ERBIN: variants seen among roughly 807,000 people sequenced by gnomAD.
The protein encoded by ERBIN is densin-180-like protein.
A neutral mutation model predicts 158.4 loss-of-function variants in ERBIN; 60 were observed. The ratio of observed to expected loss-of-function variants is 0.38; its 90% CI spans 0.31 to 0.47. The LOEUF is 0.47. ERBIN is among the 20% of genes least tolerant of loss of function. ERBIN has a pLI of 0.99. For synonymous variants in ERBIN, 594 were observed against 557.2 expected (o/e 1.07, Z -0.93); for missense variants, 1,610 against 1,648.0 (o/e 0.98, Z 0.40).
intron 1 of ERBIN, among the ~76,000 whole-genome samples, chr5:65,929,318 ATTAC>A (rs1030742871): frequency 1.3e-5 from 2 of 152,202 alleles, no homozygotes; most frequent in Admixed American, 1.3e-4. Context: ...ATATTTCAAA[ATTAC>A]TTATTTGAAA....
chr5:66,000,774 C>CT lies in ERBIN; in HGVS notation c.307+5911dup, dbSNP rs533953334. 3.3e-5 allele frequency among the ~76,000 whole-genome samples: 5 copies of CT among 152,178 alleles called. No homozygotes were observed. The South Asian group carries it at 1.0e-3, about 32-fold the overall frequency. Reference sequence around the variant, plus strand: ...TCTCCTTTTAGTCTTGAATTGATGTCTAAGTGAAACTTCACTTCATTGTTC... The same window carrying CT: ...TCTCCTTTTAGTCTTGAATTGATGTCTTAAGTGAAACTTCACTTCATTGTTC... On this transcript the variant is annotated intron_variant, in intron 4 of 25. Coordinates refer to ENST00000284037, the MANE Select transcript of ERBIN (RefSeq NM_001253697.2).
In ERBIN at chr5:65,937,983, C is replaced by T. The variant is rs543343131; in HGVS notation, c.-58+11177C>T. Among the ~76,000 whole-genome samples, 54 of 152,240 alleles carry T rather than the reference C, an allele frequency of 3.5e-4. No homozygotes were observed. The South Asian group carries it at 0.011, about 32-fold the overall frequency. ...GCATTTGTAGATTAATTTAGAAGAT[C>T]ATTGATAACTTTACGATAGCATATC... On this transcript the variant is annotated intron_variant, in intron 1 of 25. Transcript: ENST00000284037.
At chr5:65,997,442 A>G (rs1167336678) in intron 4 of ERBIN, among the ~76,000 whole-genome samples, 1 of 152,162 alleles carries the variant, frequency 6.6e-6, no homozygotes, top group African/African-American at 2.4e-5. Flanking sequence ...CTTGTTTAGT[A>G]TGTTTAGTTT....
At chr5:66,038,708 G>A (rs900910030) in intron 15 of ERBIN, among the ~76,000 whole-genome samples, 3 of 151,928 alleles carry the variant, frequency 2.0e-5, no homozygotes, top group African/African-American at 4.8e-5. Flanking sequence ...AAATTAAACC[G>A]CAGTGTTAAA....
At chr5:66,074,712 T>C (rs1432952047) in intron 22 of ERBIN, among the ~76,000 whole-genome samples, 2 of 152,284 alleles carry the variant, frequency 1.3e-5, no homozygotes, top group South Asian at 2.1e-4. Context: ...ATAAGATAGA[T>C]ACATCTAAGA....
intron 7 of ERBIN, 91 bp from the exon 8 acceptor site, chr5:66,021,231 C>T (rs1052672759): frequency 3.0e-6 from 2 of 669,680 alleles, no homozygotes; most frequent in Admixed American, 3.2e-5. Flanking sequence ...TAAATAATTA[C>T]CTATTCCATA....
chr5:66,024,401 A>G lies in ERBIN; in HGVS notation c.768A>G (p.Gln256=), dbSNP rs753043826. 8 of 1,607,084 alleles carry G rather than the reference A, an allele frequency of 5.0e-6. No homozygotes were observed. The highest frequency in any genetic ancestry group is 2.2e-5 in the East Asian group (1 of 44,648). The change falls in exon 10 of 26, where the codon CAA becomes CAG. Residue 256 remains glutamine, a synonymous_variant. Transcript: ENST00000284037. ...EEGISTCENL[Q]DLLLSSNSLQ... ...GAATTTCAACATGTGAAAACCTTCA[A>G]GACCTCCTATTATCAAGCAATTCAC...
chr5:65,942,375 G>T (rs1298740728), intron 1 of ERBIN, among the ~76,000 whole-genome samples: 1 of 152,148 alleles, frequency 6.6e-6, no homozygotes, highest in African/African-American at 2.4e-5. Flanking sequence ...ATTTCCCAAA[G>T]ATTTTTAATA....
intron 21 of ERBIN, among the ~76,000 whole-genome samples, chr5:66,060,082 T>C (rs2151261970): frequency 6.6e-6 from 1 of 152,348 alleles, no homozygotes; most frequent in African/African-American, 2.4e-5. Flanking sequence ...TCCCTCTTTT[T>C]CTGTTGACTG....
At chr5:65,936,253 C>T (rs956655384) in intron 1 of ERBIN, among the ~76,000 whole-genome samples, 2 of 152,158 alleles carry the variant, frequency 1.3e-5, no homozygotes, top group Non-Finnish European at 2.9e-5. Context: ...GGTTATCACA[C>T]AACCTAGAAT....
rs972739781 is a variant in ERBIN, at chr5:66,082,490, C to T, written c.*3960C>T. On this transcript the variant is annotated 3_prime_UTR_variant, in exon 26 of 26. Transcript: ENST00000284037. ...TCACTGGGGAAGGAAGAAACCTAAG[C>T]TGTAAAATTATGCTTTTCCCCTCAA... 1 of 152,130 alleles carries T rather than the reference C, an allele frequency of 6.6e-6. No homozygotes were observed. Among genetic ancestry groups the T allele is most frequent in the African/African-American group, 2.4e-5 (1 of 41,442 alleles). The allele number at this position is 152,130 out of a possible 1,614,324, so 9.4% of individuals were successfully genotyped here.
chr5:66,051,381 CACA>C (rs1759002626), intron 20 of ERBIN, among the ~76,000 whole-genome samples: 1 of 152,072 alleles, frequency 6.6e-6, no homozygotes, highest in Non-Finnish European at 1.5e-5. Context: ...TTTTGTAGGA[CACA>C]CTCACTGAGA....
intron 1 of ERBIN, among the ~76,000 whole-genome samples, chr5:65,962,661 C>CAT (rs1748053782): frequency 6.6e-6 from 1 of 151,904 alleles, no homozygotes; most frequent in African/African-American, 2.4e-5. Context: ...TTCATCAGGG[C>CAT]CCACAATTTT....
chr5:66,016,293 G>A (rs1754705377), intron 7 of ERBIN, among the ~76,000 whole-genome samples: 1 of 152,186 alleles, frequency 6.6e-6, no homozygotes, highest in Non-Finnish European at 1.5e-5. Flanking sequence ...ATAACAAGAT[G>A]TAAATTGTTT....
intron 1 of ERBIN, among the ~76,000 whole-genome samples, chr5:65,942,537 A>C (rs1387176815): frequency 6.6e-6 from 1 of 152,162 alleles, no homozygotes; most frequent in Non-Finnish European, 1.5e-5. Context: ...CTTAATTTAC[A>C]AAAAAAGTTT....
At chr5:65,980,505 T>G (rs1410558924) in intron 1 of ERBIN, among the ~76,000 whole-genome samples, 1 of 152,136 alleles carries the variant, frequency 6.6e-6, no homozygotes, top group Non-Finnish European at 1.5e-5. Flanking sequence ...ACATAAAATA[T>G]GAAAGATCTA....
At chr5:66,068,835 T>C (rs1404246612) in intron 21 of ERBIN, 2 of 1,480,322 alleles carry the variant, frequency 1.4e-6, no homozygotes, top group African/African-American at 2.8e-5. Context: ...GGATTTTGCA[T>C]GCTACACTAA....
At chr5:65,950,977 T>C (rs1202799080) in intron 1 of ERBIN, among the ~76,000 whole-genome samples, 3 of 152,156 alleles carry the variant, frequency 2.0e-5, no homozygotes, top group Non-Finnish European at 4.4e-5. Context: ...ATCTGTAAGA[T>C]TGTTCTGGAT....
At chr5:66,035,465 G>T (rs10065771) in intron 14 of ERBIN, among the ~76,000 whole-genome samples, 2,638 of 152,208 alleles carry the variant, frequency 0.017, 78 homozygotes, top group African/African-American at 0.061. Flanking sequence ...TGATAGACAA[G>T]CCCTATTGAA....
Sources: allele counts gnomAD v4.1 joint callset (sites outside exome capture counted in the v4.1 genomes callset), GRCh38; gene constraint gnomAD v4.1.1; transcripts MANE v1.5; gene names NCBI Gene and HGNC (gene_info 2026-07-23, HGNC 2026-07-21).